The following CGNL1 variants were observed in gnomAD, a reference collection of about 807,000 sequenced individuals.
CGNL1 encodes the protein cingulin-like protein 1.
A neutral mutation model predicts 141.2 loss-of-function variants in CGNL1; 132 were observed. The ratio of observed to expected loss-of-function variants is 0.93; its 90% CI spans 0.81 to 1.08. The LOEUF is 1.08. CGNL1 is among the 50% of genes least tolerant of loss of function. CGNL1 has a pLI of 0.00. For synonymous variants in CGNL1, 690 were observed against 622.1 expected (o/e 1.11, Z -1.63); for missense variants, 1,870 against 1,588.6 (o/e 1.18, Z -3.01).
chr15:57,529,980 C>G (rs532880989), intron 13 of CGNL1, among the ~76,000 whole-genome samples: 74 of 152,322 alleles, frequency 4.9e-4, no homozygotes, highest in African/African-American at 1.8e-3. Context: ...GCTCTGATCT[C>G]TTTAGGGGAG....
intron 12 of CGNL1, among the ~76,000 whole-genome samples, chr15:57,526,353 T>C (rs990212647): frequency 2.6e-5 from 4 of 152,000 alleles, no homozygotes; most frequent in African/African-American, 9.7e-5. Flanking sequence ...GGTAGAGTGA[T>C]GGAGTTGTTT....
intron 4 of CGNL1, among the ~76,000 whole-genome samples, chr15:57,443,858 T>A (rs754953998): frequency 2.6e-5 from 4 of 152,230 alleles, no homozygotes; most frequent in Non-Finnish European, 5.9e-5. Context: ...CACCGGCTGT[T>A]ACAGAGCAAT....
intron 8 of CGNL1, among the ~76,000 whole-genome samples, chr15:57,481,074 T>TG (rs1481656315): frequency 3.3e-5 from 5 of 151,072 alleles, no homozygotes; most frequent in Non-Finnish European, 4.4e-5. Context: ...GTTTTTTTTT[T>TG]TTTTTTTTTT....
At chr15:57,426,180 T>C (rs1374943035) in intron 1 of CGNL1, among the ~76,000 whole-genome samples, 1 of 152,108 alleles carries the variant, frequency 6.6e-6, no homozygotes, top group Non-Finnish European at 1.5e-5. Flanking sequence ...GGTCTTGCTC[T>C]GTCACCCAGA....
intron 1 of CGNL1, among the ~76,000 whole-genome samples, chr15:57,399,119 T>C (rs79491377): frequency 0.074 from 11,331 of 152,248 alleles, 593 homozygotes; most frequent in Middle Eastern, 0.15. Context: ...GGTAATAAGA[T>C]AGAAGGTGGA....
chr15:57,381,797 G>C (rs2431035), intron 1 of CGNL1, among the ~76,000 whole-genome samples: 145,231 of 152,162 alleles, frequency 0.95, 69,593 homozygotes, highest in East Asian at 1. Context: ...TCCTCTACGT[G>C]AGGTAGAGGA....
chr15:57,502,116 G>A (rs777295448), intron 8 of CGNL1, among the ~76,000 whole-genome samples: 2 of 152,176 alleles, frequency 1.3e-5, no homozygotes, highest in Non-Finnish European at 2.9e-5. Flanking sequence ...AGAAGACTTA[G>A]TACAACCTGC....
intron 1 of CGNL1, among the ~76,000 whole-genome samples, chr15:57,426,143 G>A (rs1309179734): frequency 6.6e-6 from 1 of 151,694 alleles, no homozygotes; most frequent in Non-Finnish European, 1.5e-5. Context: ...AGAAGAAGAA[G>A]ACACATTCTT....
intron 14 of CGNL1, among the ~76,000 whole-genome samples, chr15:57,536,995 C>A (rs1460250903): frequency 6.6e-6 from 1 of 152,222 alleles, no homozygotes; most frequent in Non-Finnish European, 1.5e-5. Context: ...TCTCCTGATT[C>A]TTTATGAGTG....
At chr15:57,544,686 T>C in intron 16 of CGNL1, 89 bp downstream of exon 16, 1 of 1,462,882 alleles carries the variant, frequency 6.8e-7, no homozygotes, top group Non-Finnish European at 9.2e-7. Context: ...GGATCTGTCC[T>C]GATCCTCGTA....
chr15:57,429,655 C>T (rs527971572), intron 1 of CGNL1, among the ~76,000 whole-genome samples: 30 of 152,276 alleles, frequency 2.0e-4, no homozygotes, highest in African/African-American at 6.7e-4. Flanking sequence ...CTGGCTTCTT[C>T]ATTAGTTAAT....
In CGNL1 at chr15:57,516,876, C is replaced by G; in HGVS notation, c.2500C>G (p.Leu834Val). ...GCTTCTGCAGGAGGAGAATGAGAAG[C>G]TGCAGGGAAGAAGCGAAGAGCTGGA... ...VKLLQEENEKLQGRSEELERR... is the reference protein window; with the variant it reads ...VKLLQEENEKVQGRSEELERR... The change falls in exon 9 of 19, where the codon CTG becomes GTG. Residue 834 changes from leucine to valine, a missense_variant. Leu to Val is a conservative substitution (Grantham distance 32). Transcript: ENST00000281282. 1 of 1,613,428 alleles carries G rather than the reference C, an allele frequency of 6.2e-7. No homozygotes were observed. The highest frequency in any genetic ancestry group is 1.1e-5 in the South Asian group (1 of 91,068).
chr15:57,525,377 G>A lies in CGNL1; in HGVS notation c.3039+626G>A, dbSNP rs77524380. ...TTTTTGATTGTTTTAATGGAAAGCC[G>A]GAGGCTTCAAAATGTAAGCACAGCC... On this transcript the variant is annotated intron_variant, in intron 12 of 18. Coordinates refer to ENST00000281282, the MANE Select transcript of CGNL1 (RefSeq NM_032866.5). 4.1e-3 allele frequency among the ~76,000 whole-genome samples: 628 copies of A among 152,348 alleles called. 4 individuals carry two copies. The highest frequency in any genetic ancestry group is 0.015 in the African/African-American group (605 of 41,582).
intron 8 of CGNL1, among the ~76,000 whole-genome samples, chr15:57,493,432 T>A (rs1276220695): frequency 6.6e-6 from 1 of 152,120 alleles, no homozygotes; most frequent in Non-Finnish European, 1.5e-5. Flanking sequence ...ACAGAAAGCA[T>A]GCTTATCAAG....
intron 14 of CGNL1, among the ~76,000 whole-genome samples, chr15:57,537,498 C>T (rs1173645411): frequency 6.6e-6 from 1 of 151,816 alleles, no homozygotes; most frequent in East Asian, 1.9e-4. Context: ...ATTGTATCAG[C>T]TGCTCAAAAA....
chr15:57,404,410 A>G (rs1247137644), intron 1 of CGNL1, among the ~76,000 whole-genome samples: 1 of 152,224 alleles, frequency 6.6e-6, no homozygotes, highest in African/African-American at 2.4e-5. Context: ...GTTCTAATAA[A>G]TCCAATGAAC....
chr15:57,541,791 C>T lies in CGNL1; in HGVS notation c.3292-1905C>T, dbSNP rs569267819. 2.0e-4 allele frequency among the ~76,000 whole-genome samples: 30 copies of T among 152,348 alleles called. No individual in the cohort carries two copies. In the South Asian group the frequency reaches 2.3e-3, roughly 12 times the overall value. On this transcript the variant is annotated intron_variant, in intron 14 of 18. Transcript: ENST00000281282. ...CTGCTCCTGAGGTTACTTGCATAAC[C>T]GCTGCCGTAGGCCTCAGTTTCCTCT...
chr15:57,540,980 G>A (rs1183437645), intron 14 of CGNL1, among the ~76,000 whole-genome samples: 1 of 152,230 alleles, frequency 6.6e-6, no homozygotes, highest in African/African-American at 2.4e-5. Context: ...TGGCTGCTCT[G>A]CCTAAGGATG....
intron 2 of CGNL1, among the ~76,000 whole-genome samples, chr15:57,440,076 TAAC>T: frequency 6.9e-6 from 1 of 144,390 alleles, no homozygotes; most frequent in East Asian, 2.0e-4. Flanking sequence ...GTTTTGATAG[TAAC>T]AATAAAAAAT....
Sources: allele counts gnomAD v4.1 joint callset (sites outside exome capture counted in the v4.1 genomes callset), GRCh38; gene constraint gnomAD v4.1.1; transcripts MANE v1.5; gene names NCBI Gene and HGNC (gene_info 2026-07-23, HGNC 2026-07-21).